ABL1: variants seen among roughly 807,000 people sequenced by gnomAD.
ABL1 encodes the protein ABL proto-oncogene 1, non-receptor tyrosine kinase, also known as tyrosine-protein kinase ABL1.
Under a neutral mutation model 94.7 loss-of-function variants are expected in ABL1, and 11 were observed. The ratio of observed to expected loss-of-function variants is 0.12; its 90% CI spans 0.07 to 0.19. ABL1 has a LOEUF of 0.19. ABL1 is among the 10% of genes least tolerant of loss of function. The probability of loss-of-function intolerance (pLI) is 1.00; values close to 1 mark genes in which losing one functional copy is unlikely to be tolerated. For missense variants in ABL1, 1,082 were observed against 1,489.4 expected (o/e 0.73, Z 4.50); for synonymous variants, 656 against 622.4 (o/e 1.05, Z -0.80).
At position 130,879,921 on chromosome 9, in the gene ABL1, G is replaced by T. The variant is rs564984746; in HGVS notation, c.1424-147G>T. The stretch of plus-strand genomic sequence containing the variant: ...CTTAATGTCTATAACAGGACATGAT[G>T]ACATTCATCGTTTTGACTTGTTGCA... On this transcript the variant is annotated intron_variant, in intron 8 of 10. Coordinates refer to ENST00000318560, the MANE Select transcript of ABL1 (RefSeq NM_005157.6). The T allele has an allele frequency of 1.5e-5, 11 of 718,390 alleles. No homozygotes were observed. The South Asian group carries it at 1.7e-4, about 11-fold the overall frequency. 44.5% of individuals were successfully genotyped at this position (718,390 alleles called of 1,614,324 possible).
intron 1 of ABL1, among the ~76,000 whole-genome samples, chr9:130,734,389 G>A (rs559764187): frequency 6.8e-6 from 1 of 146,132 alleles, no homozygotes; most frequent in East Asian, 2.1e-4. Flanking sequence ...AATTTTTTTT[G>A]CATGTTTAGT....
At chr9:130,828,726 G>T (rs1830458625) in intron 1 of ABL1, among the ~76,000 whole-genome samples, 1 of 151,944 alleles carries the variant, frequency 6.6e-6, no homozygotes, top group African/African-American at 2.4e-5. Context: ...AAAAAGAAAA[G>T]AAAATTAGAA....
At chr9:130,751,429 C>G (rs1171613411) in intron 1 of ABL1, among the ~76,000 whole-genome samples, 4 of 152,232 alleles carry the variant, frequency 2.6e-5, no homozygotes, top group African/African-American at 9.6e-5. Context: ...AGGCATGAAC[C>G]ACCGCGCCTG....
chr9:130,834,062 T>C (rs775654854), upstream of ABL1: 3 of 456,118 alleles, frequency 6.6e-6, no homozygotes, highest in South Asian at 4.6e-5. Context: ...CATCTCCGCC[T>C]GTTTCCAGCT....
At chr9:130,858,350 G>A (rs1354199456) in intron 3 of ABL1, among the ~76,000 whole-genome samples, 1 of 152,146 alleles carries the variant, frequency 6.6e-6, no homozygotes, top group Non-Finnish European at 1.5e-5. Flanking sequence ...TGCCAGGTGG[G>A]TTTGTTTCAT....
At chr9:130,867,486 A>G (rs1384717271) in intron 4 of ABL1, among the ~76,000 whole-genome samples, 32 of 152,184 alleles carry the variant, frequency 2.1e-4, no homozygotes. Flanking sequence ...TCCAGAAACT[A>G]CTGGATCAGG....
At chr9:130,881,884 A>G (rs1264493643) in intron 10 of ABL1, among the ~76,000 whole-genome samples, 1 of 150,280 alleles carries the variant, frequency 6.7e-6, no homozygotes, top group Non-Finnish European at 1.5e-5. Flanking sequence ...TAGTAAAAAA[A>G]AAACAAAAAA....
intron 1 of ABL1, among the ~76,000 whole-genome samples, chr9:130,781,054 G>A (rs1045511516): frequency 2.0e-5 from 3 of 152,134 alleles, no homozygotes; most frequent in African/African-American, 7.2e-5. Context: ...CCTCACTTGC[G>A]TCATTCTGAA....
chr9:130,826,959 T>C (rs1032904556), intron 1 of ABL1, among the ~76,000 whole-genome samples: 2 of 152,020 alleles, frequency 1.3e-5, no homozygotes, highest in Non-Finnish European at 2.9e-5. Context: ...GCGCCTGTAG[T>C]CCCAGCTACT....
chr9:130,766,148 T>TTG (rs945709024), intron 1 of ABL1, among the ~76,000 whole-genome samples: 3 of 152,172 alleles, frequency 2.0e-5, no homozygotes, highest in Admixed American at 2.0e-4. Context: ...GTGGCATGCG[T>TTG]TGGTGCGCTC....
Position 130,787,165 on chromosome 9 carries a change from C to G in ABL1, c.137-66899C>G, listed in dbSNP as rs570727190. Among the ~76,000 whole-genome samples the G allele has an allele frequency of 2.6e-5, 4 of 152,260 alleles. No homozygotes were observed. The South Asian group carries it at 6.2e-4, about 24-fold the overall frequency. On this transcript the variant is annotated intron_variant, in intron 1 of 10. Transcript: ENST00000372348. ...ACTCGTAGCCTGCCCGTGTCATTGCCCCAGTGGGGAACTGCTGTTGCTCTT... is the reference window on the plus strand; with the variant it reads ...ACTCGTAGCCTGCCCGTGTCATTGCGCCAGTGGGGAACTGCTGTTGCTCTT...
rs1373671148 is a variant in ABL1 at position 130,886,731 on chromosome 9, G to C, written c.*1048G>C. The C allele has an allele frequency of 4.3e-6, 1 of 233,476 alleles. No homozygotes were observed. The highest frequency in any genetic ancestry group is 8.5e-6 in the Non-Finnish European group (1 of 118,000). The allele number at this position is 233,476 out of a possible 1,614,324, so 14.5% of individuals were successfully genotyped here. On this transcript the variant is annotated 3_prime_UTR_variant, in exon 11 of 11. Transcript: ENST00000318560. ...AGGCCCTTTCCTTTGGAACAAGACA[G>C]CCTTCACTTTTCTGAGTTCTTGAAG... is the stretch of plus-strand genomic sequence containing the variant.
chr9:130,770,229 G>A (rs539655238), intron 1 of ABL1, among the ~76,000 whole-genome samples: 36 of 152,088 alleles, frequency 2.4e-4, no homozygotes, highest in Non-Finnish European at 4.9e-4. Flanking sequence ...TTATAAGACT[G>A]GGTATGGTGG....
Position 130,818,582 on chromosome 9 carries a change from T to G in ABL1, c.137-35482T>G, listed in dbSNP as rs535686625. 1.3e-3 allele frequency among the ~76,000 whole-genome samples: 202 copies of G among 152,162 alleles called. 6 individuals are homozygous for G. In the South Asian group the frequency reaches 0.041, roughly 31 times the overall value. ...ACTCAAGTTTACAAAGATTCTTCTG[T>G]TTTTTTTCTAGAAGATTTATAAGTT... On this transcript the variant is annotated intron_variant, in intron 1 of 10. Transcript: ENST00000372348.
chr9:130,787,360 G>GTGTGTGTTTGTT (rs1212303190), intron 1 of ABL1, among the ~76,000 whole-genome samples: 1 of 152,126 alleles, frequency 6.6e-6, no homozygotes, highest in African/African-American at 2.4e-5. Context: ...GTGTGTTTGT[G>GTGTGTGTTTGTT]TGTGTGTGTG....
chr9:130,730,998 C>CTTT lies in ABL1; in HGVS notation c.136+16567_136+16569dup, dbSNP rs11300328. Among the ~76,000 whole-genome samples the CTTT allele has an allele frequency of 7.0e-3, 452 of 64,494 alleles. 120 individuals carry two copies. The highest frequency in any genetic ancestry group is 9.8e-3 in the Non-Finnish European group (358 of 36,526). 42.3% of individuals were successfully genotyped at this position (64,494 alleles called of 152,430 possible). ...CATTGTGCGTTTTCACTCTATCTCT[C>CTTT]TTTTTTTTTTTTTTTTTTTTTTTTT... On this transcript the variant is annotated intron_variant, in intron 1 of 10. Transcript: ENST00000372348.
At chr9:130,734,860 T>C (rs1831714647) in intron 1 of ABL1, among the ~76,000 whole-genome samples, 1 of 152,130 alleles carries the variant, frequency 6.6e-6, no homozygotes, top group Non-Finnish European at 1.5e-5. Context: ...TTGAGTGTTT[T>C]GGAATGGCGG....
In ABL1 at chr9:130,745,187, C is replaced by T. The variant is rs373981509; in HGVS notation, c.136+30732C>T. Among the ~76,000 whole-genome samples, 731 of 150,860 alleles carry T rather than the reference C, an allele frequency of 4.8e-3. 2 individuals carry two copies. The highest frequency in any genetic ancestry group is 0.016 in the African/African-American group (670 of 41,102). On this transcript the variant is annotated intron_variant, in intron 1 of 10. Coordinates refer to the ABL1 transcript ENST00000372348. The stretch of plus-strand genomic sequence containing the variant: ...GCAACCTCCACCTCCTGGGTTCAAG[C>T]GATTCTCCTGCTTCAGCCTCCCTAG...
At chr9:130,746,800 C>T (rs553533275) in intron 1 of ABL1, among the ~76,000 whole-genome samples, 6 of 152,132 alleles carry the variant, frequency 3.9e-5, no homozygotes, top group Admixed American at 1.3e-4. Flanking sequence ...ATATACTCTT[C>T]CTCTGTCTGC....
Sources: gnomAD v4.1 joint callset for allele counts (sites outside exome capture counted in the v4.1 genomes callset) on GRCh38, gnomAD v4.1.1 for gene constraint, MANE v1.5 for transcripts, NCBI Gene and HGNC (gene_info 2026-07-23, HGNC 2026-07-21) for gene names.